Variants in KCTD8 observed in about 807,000 individuals in gnomAD.
KCTD8 encodes the protein potassium channel tetramerization domain containing 8.
Under a neutral mutation model 31.5 loss-of-function variants are expected in KCTD8, and 27 were observed. That is an observed-to-expected ratio of 0.86 (90% CI 0.63 to 1.18). The LOEUF is 1.18. KCTD8 is among the 50% of genes most tolerant of loss of function. The pLI, the probability that KCTD8 is intolerant of heterozygous loss-of-function variation, is 0.00. For missense variants in KCTD8, 658 were observed against 647.7 expected (o/e 1.02, Z -0.17); for synonymous variants, 290 against 280.0 (o/e 1.04, Z -0.36).
intron 1 of KCTD8, among the ~76,000 whole-genome samples, chr4:44,264,012 A>T (rs191130510): frequency 7.9e-5 from 12 of 152,346 alleles, no homozygotes; most frequent in Admixed American, 2.6e-4. Flanking sequence ...TTAATAACTC[A>T]AAGTAAGTTA....
At chr4:44,438,181 C>T (rs1721723185) in intron 1 of KCTD8, among the ~76,000 whole-genome samples, 1 of 152,138 alleles carries the variant, frequency 6.6e-6, no homozygotes, top group Non-Finnish European at 1.5e-5. Context: ...CTTCAAATAC[C>T]TGGACTTTGA....
Position 44,421,827 on chromosome 4 carries a change from A to G in KCTD8, c.961+25736T>C, listed in dbSNP as rs542258298. 2.0e-5 allele frequency among the ~76,000 whole-genome samples: 3 copies of G among 152,232 alleles called. No homozygotes were observed. In the South Asian group the frequency reaches 6.2e-4, roughly 32 times the overall value. The stretch of plus-strand genomic sequence containing the variant: ...AATTTTTGATGGAGCTACTATTGGG[A>G]GTAAGCCCAGAATTTTTATGGAAAA... On this transcript the variant is annotated intron_variant, in intron 1 of 1. Coordinates refer to ENST00000360029, the MANE Select transcript of KCTD8 (RefSeq NM_198353.3).
chr4:44,304,681 T>G (rs1029548457), intron 1 of KCTD8, among the ~76,000 whole-genome samples: 2 of 152,136 alleles, frequency 1.3e-5, no homozygotes, highest in African/African-American at 4.8e-5. Context: ...AAATCATGGT[T>G]AGGAAAGATG....
chr4:44,187,763 AG>A (rs1713630545), intron 1 of KCTD8, among the ~76,000 whole-genome samples: 1 of 152,104 alleles, frequency 6.6e-6, no homozygotes, highest in Non-Finnish European at 1.5e-5. Context: ...TGGCTCCGGG[AG>A]GGAAAAAGAA....
rs923152120 is a variant in KCTD8 at position 44,257,642 on chromosome 4, G to A, written c.962-82392C>T. Among the ~76,000 whole-genome samples the A allele has an allele frequency of 5.9e-5, 9 of 151,896 alleles. No individual in the cohort carries two copies. The East Asian group carries it at 1.2e-3, about 20-fold the overall frequency. On this transcript the variant is annotated intron_variant, in intron 1 of 1. Transcript: ENST00000360029. ...TAGCTATAGTCACTTCTAGTTAGAC[G>A]TCTTTCCATTTTTAACAAGTCTTTT...
intron 1 of KCTD8, among the ~76,000 whole-genome samples, chr4:44,416,013 G>A (rs1721072137): frequency 6.6e-6 from 1 of 152,200 alleles, no homozygotes; most frequent in Non-Finnish European, 1.5e-5. Flanking sequence ...CATGAGAGCA[G>A]CCACATGGGC....
chr4:44,256,880 T>G (rs144414509), intron 1 of KCTD8, among the ~76,000 whole-genome samples: 101 of 152,100 alleles, frequency 6.6e-4, no homozygotes, highest in Non-Finnish European at 1.2e-3. Context: ...AAATTTGTAT[T>G]GTTGAAGCCA....
At position 44,417,320 on chromosome 4, in the gene KCTD8, AG is replaced by A. The variant is rs202045250; in HGVS notation, c.961+30242del. Among the ~76,000 whole-genome samples, 1,504 of 152,312 alleles carry A rather than the reference AG, an allele frequency of 9.9e-3. 13 individuals are homozygous for A. The highest frequency in any genetic ancestry group is 0.014 in the Non-Finnish European group (972 of 68,022). ...TTTCTCCCACATAAATTAGAAAAAA[AG>A]CTTATTAAAATTATGTCTAAATTAT... On this transcript the variant is annotated intron_variant, in intron 1 of 1. Coordinates refer to ENST00000360029, the MANE Select transcript of KCTD8 (RefSeq NM_198353.3).
At chr4:44,356,765 C>CT (rs1719353903) in intron 1 of KCTD8, among the ~76,000 whole-genome samples, 1 of 152,170 alleles carries the variant, frequency 6.6e-6, no homozygotes, top group Non-Finnish European at 1.5e-5. Context: ...AGCCACCGTG[C>CT]TTGGCCTGGG....
intron 1 of KCTD8, among the ~76,000 whole-genome samples, chr4:44,312,284 A>G (rs1717977179): frequency 6.6e-6 from 1 of 152,028 alleles, no homozygotes; most frequent in African/African-American, 2.4e-5. Flanking sequence ...CAGGTAACTT[A>G]CTTGAAAGGA....
rs569040382 is a variant in KCTD8 at position 44,210,392 on chromosome 4, T to C, written c.962-35142A>G. 2.3e-3 allele frequency among the ~76,000 whole-genome samples: 351 copies of C among 152,362 alleles called. 1 individual carries two copies. Among genetic ancestry groups the C allele is most frequent in the Non-Finnish European group, 3.3e-3 (227 of 68,028 alleles). ...TATTTTTGAAAGCAAGAAGATAATC[T>C]GGACAATGCTTTTATAAAATAACCA... is the stretch of plus-strand genomic sequence containing the variant. On this transcript the variant is annotated intron_variant, in intron 1 of 1. Transcript: ENST00000360029.
At chr4:44,303,880 G>A (rs1717718037) in intron 1 of KCTD8, among the ~76,000 whole-genome samples, 1 of 152,032 alleles carries the variant, frequency 6.6e-6, no homozygotes, top group Non-Finnish European at 1.5e-5. Flanking sequence ...AAGAAAGCAA[G>A]CATTCTTTAA....
intron 1 of KCTD8, among the ~76,000 whole-genome samples, chr4:44,321,302 T>C (rs1263132973): frequency 6.6e-6 from 1 of 152,204 alleles, no homozygotes; most frequent in Admixed American, 6.5e-5. Flanking sequence ...CTTGATATCA[T>C]TTGTTGACTT....
intron 1 of KCTD8, among the ~76,000 whole-genome samples, chr4:44,439,663 C>T (rs1357283335): frequency 6.6e-6 from 1 of 152,054 alleles, no homozygotes; most frequent in Admixed American, 6.6e-5. Flanking sequence ...ATAGAATTAA[C>T]CAGATCCTTA....
intron 1 of KCTD8, among the ~76,000 whole-genome samples, chr4:44,206,069 G>T (rs1714293684): frequency 6.6e-6 from 1 of 152,048 alleles, no homozygotes. Context: ...AACAGTGAAG[G>T]CAAGCTTTCT....
chr4:44,403,430 A>C (rs1407504927), intron 1 of KCTD8, among the ~76,000 whole-genome samples: 1 of 63,630 alleles, frequency 1.6e-5, no homozygotes, highest in Non-Finnish European at 3.8e-5. Context: ...CTACCATTAA[A>C]AAAAAAAAAA....
chr4:44,217,969 A>G (rs539653739), intron 1 of KCTD8, among the ~76,000 whole-genome samples: 2 of 152,138 alleles, frequency 1.3e-5, no homozygotes, highest in East Asian at 3.9e-4. Context: ...CCTTGTGATC[A>G]CATAAGCCAA....
At chr4:44,301,532 T>C (rs1252850031) in intron 1 of KCTD8, among the ~76,000 whole-genome samples, 1 of 152,238 alleles carries the variant, frequency 6.6e-6, no homozygotes, top group East Asian at 1.9e-4. Flanking sequence ...GAAGTGTCTG[T>C]TCATATCCTT....
chr4:44,225,722 G>T (rs1199371045), intron 1 of KCTD8, among the ~76,000 whole-genome samples: 5 of 151,338 alleles, frequency 3.3e-5, no homozygotes, highest in Non-Finnish European at 7.4e-5. Context: ...TAAGTTTTGG[G>T]ATACATGTGC....
Sources: allele counts gnomAD v4.1 joint callset (sites outside exome capture counted in the v4.1 genomes callset), GRCh38; gene constraint gnomAD v4.1.1; transcripts MANE v1.5; gene names NCBI Gene and HGNC (gene_info 2026-07-23, HGNC 2026-07-21).